The following PPP2R1B variants were observed in gnomAD, a reference collection of about 807,000 sequenced individuals.
PPP2R1B encodes the protein serine/threonine-protein phosphatase 2A 65 kDa regulatory subunit A beta isoform.
Under a neutral mutation model 72.7 loss-of-function variants are expected in PPP2R1B, and 58 were observed. The observed-to-expected ratio is 0.80, with a 90% CI of 0.65 to 0.99. The LOEUF (loss-of-function observed/expected upper bound fraction) is 0.99, where lower values mean the gene tolerates loss of function less well. PPP2R1B is among the 50% of genes least tolerant of loss of function. PPP2R1B has a pLI of 0.00. For synonymous variants in PPP2R1B, 256 were observed against 264.6 expected (o/e 0.97, Z 0.32); for missense variants, 695 against 733.6 (o/e 0.95, Z 0.61).
chr11:111,689,253 C>T, the PPP2R1B span, among the ~76,000 whole-genome samples: 1 of 152,120 alleles, frequency 6.6e-6, no homozygotes, highest in South Asian at 2.1e-4. Context: ...ATAGTTTATT[C>T]TGTAGGTAAT....
At chr11:111,717,309 C>A in the PPP2R1B span, among the ~76,000 whole-genome samples, 2 of 114,474 alleles carry the variant, frequency 1.7e-5, no homozygotes, top group African/African-American at 3.8e-5. Flanking sequence ...CAGAGCGAGA[C>A]TCCGTCTCAA....
rs1163012385 is a variant in PPP2R1B at position 111,741,398 on chromosome 11, A to C, written c.*198T>G. Reference sequence around the variant, plus strand: ...ATAAGAACGGCTTAAATAATGATTTAACAAGGAAGACGAGTAAAAAACAAT... The same window carrying C: ...ATAAGAACGGCTTAAATAATGATTTCACAAGGAAGACGAGTAAAAAACAAT... On this transcript the variant is annotated 3_prime_UTR_variant, in exon 15 of 15. Coordinates refer to ENST00000527614, the MANE Select transcript of PPP2R1B (RefSeq NM_002716.5). 1 of 1,398,834 alleles carries C rather than the reference A, an allele frequency of 7.1e-7. No homozygotes were observed. Among genetic ancestry groups the C allele is most frequent in the Non-Finnish European group, 9.3e-7 (1 of 1,080,982 alleles). 86.7% of individuals were successfully genotyped at this position (1,398,834 alleles called of 1,614,324 possible).
chr11:111,755,309 C>T lies in PPP2R1B; in HGVS notation c.829G>A (p.Asp277Asn). 1 of 1,605,154 alleles carries T rather than the reference C, an allele frequency of 6.2e-7. No individual in the cohort carries two copies. Among genetic ancestry groups the T allele is most frequent in the East Asian group, 2.2e-5 (1 of 44,866 alleles). The part of the protein sequence containing the change: ...KSWRVRYMVA[D>N]RFSELQKAMG... ...GATCACTTTACCTCTGAAAATCTGT[C>T]AGCCACCATATAGCGAACGCGCCAA... The change falls in exon 6 of 15, where the codon GAC becomes AAC. Residue 277 changes from aspartate (D) to asparagine (N), a missense_variant. Coordinates refer to ENST00000527614, the MANE Select transcript of PPP2R1B (RefSeq NM_002716.5).
intron 15 of PPP2R1B, chr11:111,729,093 GCA>G (rs952224949): frequency 6.6e-6 from 1 of 152,240 alleles, no homozygotes; most frequent in African/African-American, 2.4e-5. Context: ...GTGAACGAAA[GCA>G]GTGGAGCCTC....
chr11:111,694,429 A>G, the PPP2R1B span, among the ~76,000 whole-genome samples: 1 of 152,154 alleles, frequency 6.6e-6, no homozygotes, highest in African/African-American at 2.4e-5. Flanking sequence ...CTTTAGCCCA[A>G]GAGGAATGCT....
intron 10 of PPP2R1B, among the ~76,000 whole-genome samples, chr11:111,748,937 C>T (rs12276822): frequency 0.03 from 4,538 of 151,994 alleles, 206 homozygotes; most frequent in African/African-American, 0.1. Flanking sequence ...ACCTCCACCT[C>T]CCGGGTTCAA....
chr11:111,730,272 G>A (rs1469668449), intron 15 of PPP2R1B: 2 of 152,232 alleles, frequency 1.3e-5, no homozygotes, highest in Admixed American at 6.5e-5. Context: ...ATAATGGGCT[G>A]CTGCTGGCTC....
intron 11 of PPP2R1B, 129 bp downstream of exon 11, chr11:111,747,821 TTTAA>T: frequency 1.4e-6 from 1 of 729,816 alleles, no homozygotes; most frequent in Non-Finnish European, 2.1e-6. Context: ...AAGATTAAAC[TTTAA>T]TTAGAGCCTT....
chr11:111,703,531 GTACTGTTCAGTGTTC>G, the PPP2R1B span: 1 of 880,990 alleles, frequency 1.1e-6, no homozygotes, highest in Non-Finnish European at 1.8e-6. Flanking sequence ...GCGCCTAGGC[GTACTGTTCAGTGTTC>G]CCTATAGATG....
At chr11:111,737,515 G>T, downstream of PPP2R1B, 2 of 1,614,200 alleles carry the variant, frequency 1.2e-6, no homozygotes, top group Non-Finnish European at 1.7e-6. Flanking sequence ...AGGGACACTG[G>T]GTTCTCCACT....
Position 111,731,466 on chromosome 11 carries a change from G to A in PPP2R1B, c.1912-4409C>T, listed in dbSNP as rs117071248. Among the ~76,000 whole-genome samples, 999 of 152,380 alleles carry A rather than the reference G, an allele frequency of 6.6e-3. 8 individuals carry two copies. The highest frequency in any genetic ancestry group is 0.054 in the Middle Eastern group (16 of 294). On this transcript the variant is annotated intron_variant, in intron 15 of 15. Transcript: ENST00000311129. ...GCCCTCAGGGTGCTGGAGGCACCAT[G>A]TGCCAAGCTGCTCTCCTGCATCCTG...
At chr11:111,688,239 C>A in the PPP2R1B span, 2 of 1,452,954 alleles carry the variant, frequency 1.4e-6, no homozygotes, top group Non-Finnish European at 9.6e-7. This position sits in a 1 kb window ranked among gnomAD's most constrained non-coding sequence, Gnocchi z 4.2. Flanking sequence ...GACCTGCAGG[C>A]GCAGATTCAG....
At chr11:111,701,133 TG>T in the PPP2R1B span, 1 of 1,277,874 alleles carries the variant, frequency 7.8e-7, no homozygotes, top group Non-Finnish European at 1.1e-6. This position sits in a 1 kb window ranked among gnomAD's most constrained non-coding sequence, Gnocchi z 4.2. Flanking sequence ...CCCCATCCAC[TG>T]GACTATAATT....
At chr11:111,723,787 T>C, downstream of PPP2R1B, 1 of 1,613,902 alleles carries the variant, frequency 6.2e-7, no homozygotes, top group Non-Finnish European at 8.5e-7. Flanking sequence ...CTGCTCCTCC[T>C]CTGCCCACGC....
chr11:111,705,206 A>C, the PPP2R1B span: 8 of 1,433,250 alleles, frequency 5.6e-6, no homozygotes, highest in Non-Finnish European at 7.3e-6. This position sits in a 1 kb window ranked among gnomAD's most constrained non-coding sequence, Gnocchi z 4.3. Context: ...TACATTTTTC[A>C]TCTTATACAC....
rs1472477476 is a variant in PPP2R1B at position 111,739,788 on chromosome 11, T to C, written c.*1808A>G. On this transcript the variant is annotated 3_prime_UTR_variant, in exon 15 of 15. Transcript: ENST00000527614. ...AAGACTCATGAAACTAAAATTAAAATGTTTACAGAATAATAGCATAAGATA... is the reference window on the plus strand; with the variant it reads ...AAGACTCATGAAACTAAAATTAAAACGTTTACAGAATAATAGCATAAGATA... 4 of 969,088 alleles carry C rather than the reference T, an allele frequency of 4.1e-6. No individual in the cohort carries two copies. The highest frequency in any genetic ancestry group is 4.9e-6 in the Non-Finnish European group (4 of 815,146). The allele number at this position is 969,088 out of a possible 1,614,324, so 60.0% of individuals were successfully genotyped here. A position where few individuals can be genotyped will look rare whatever the true frequency, so the allele number is the denominator to read the frequency against.
intron 15 of PPP2R1B, chr11:111,730,529 A>C (rs887621625): frequency 6.6e-6 from 1 of 152,196 alleles, no homozygotes; most frequent in Non-Finnish European, 1.5e-5. Flanking sequence ...GTTTTGCTGG[A>C]TGTTTGGTCT....
chr11:111,757,031 T>C (rs1272142487), intron 5 of PPP2R1B, among the ~76,000 whole-genome samples: 12 of 151,838 alleles, frequency 7.9e-5, no homozygotes, highest in Non-Finnish European at 1.8e-4. Context: ...GCAGAATTGC[T>C]TGAACCCAGG....
At chr11:111,717,429 A>G in the PPP2R1B span, among the ~76,000 whole-genome samples, 1 of 152,202 alleles carries the variant, frequency 6.6e-6, no homozygotes, top group African/African-American at 2.4e-5. Context: ...CAATTATTAA[A>G]AAGTCAACAA....
Sources: allele counts gnomAD v4.1 joint callset (sites outside exome capture counted in the v4.1 genomes callset), GRCh38; gene constraint gnomAD v4.1.1; non-coding constraint Gnocchi (gnomAD v3.1); transcripts MANE v1.5; gene names NCBI Gene and HGNC (gene_info 2026-07-23, HGNC 2026-07-21).